SOX6: variants seen among roughly 807,000 people sequenced by gnomAD.
SOX6 encodes transcription factor SOX-6.
SOX6 carries 11 observed loss-of-function variants against 97.8 expected under a neutral mutation model. The ratio of observed to expected loss-of-function variants is 0.11; its 90% CI spans 0.07 to 0.19. The LOEUF is 0.19. SOX6 is among the 10% of genes least tolerant of loss of function. The pLI, the probability that SOX6 is intolerant of heterozygous loss-of-function variation, is 1.00. For missense variants in SOX6, 810 were observed against 1,039.5 expected (o/e 0.78, Z 3.04); for synonymous variants, 360 against 371.4 (o/e 0.97, Z 0.35).
intron 3 of SOX6, among the ~76,000 whole-genome samples, chr11:16,259,669 G>C (rs1853814561): frequency 6.6e-6 from 1 of 152,046 alleles, no homozygotes; most frequent in Non-Finnish European, 1.5e-5. Flanking sequence ...CAAGAAAAGT[G>C]TATACTTTAT....
intron 9 of SOX6, among the ~76,000 whole-genome samples, chr11:16,065,635 G>C (rs1848075904): frequency 6.6e-6 from 1 of 152,016 alleles, no homozygotes; most frequent in African/African-American, 2.4e-5. Flanking sequence ...TTTTAACAAA[G>C]CTGCCAAGAA....
chr11:16,104,286 C>T (rs935791804), intron 7 of SOX6, among the ~76,000 whole-genome samples: 1 of 151,918 alleles, frequency 6.6e-6, no homozygotes, highest in Non-Finnish European at 1.5e-5. Flanking sequence ...CTGGAAGAGA[C>T]AGAAATGAGT....
chr11:16,371,729 T>C (rs1857499128), intron 1 of SOX6, among the ~76,000 whole-genome samples: 1 of 152,170 alleles, frequency 6.6e-6, no homozygotes, highest in African/African-American at 2.4e-5. Flanking sequence ...AGTGTAAAAT[T>C]GTATTACAAA....
chr11:16,644,733 C>CT (rs1447771452), intron 3 of SOX6, among the ~76,000 whole-genome samples: 4 of 152,138 alleles, frequency 2.6e-5, no homozygotes, highest in African/African-American at 9.7e-5. Flanking sequence ...TATATATTCT[C>CT]TGTTTGTTGG....
In SOX6 at chr11:16,505,560, T is replaced by A. The variant is rs533511033; in HGVS notation, n.610-29172A>T. On this transcript the variant is annotated intron_variant and non_coding_transcript_variant, in intron 4 of 5. Coordinates refer to the SOX6 transcript ENST00000524520. ...AAAAAAAACATTTCCTGGGGAGGAA[T>A]TCAAGCCAGCTGCAGGAATTTGCAT... is the stretch of plus-strand genomic sequence containing the variant. 8.5e-5 allele frequency among the ~76,000 whole-genome samples: 13 copies of A among 152,242 alleles called. No homozygotes were observed. The East Asian group carries it at 2.5e-3, about 29-fold the overall frequency.
intron 6 of SOX6, among the ~76,000 whole-genome samples, chr11:16,167,099 A>G (rs894649495): frequency 2.6e-5 from 4 of 152,166 alleles, no homozygotes; most frequent in African/African-American, 9.6e-5. Context: ...GATCTCTAAT[A>G]AGTATTTCAA....
chr11:16,726,979 T>C lies in SOX6; in HGVS notation n.353+9360A>G, dbSNP rs139043284. Among the ~76,000 whole-genome samples, 261 of 152,378 alleles carry C rather than the reference T, an allele frequency of 1.7e-3. 2 individuals carry two copies. The highest frequency in any genetic ancestry group is 6.1e-3 in the African/African-American group (252 of 41,598). ...TTTTATTTTTGTGTGAGTCTGCTTATATTTGTGACCCTGACTTTTTTAAAA... is the reference window on the plus strand; with the variant it reads ...TTTTATTTTTGTGTGAGTCTGCTTACATTTGTGACCCTGACTTTTTTAAAA... On this transcript the variant is annotated intron_variant and non_coding_transcript_variant, in intron 2 of 5. Transcript: ENST00000524520.
intron 1 of SOX6, among the ~76,000 whole-genome samples, chr11:16,439,728 T>C (rs953927600): frequency 2.0e-5 from 3 of 152,184 alleles, no homozygotes; most frequent in African/African-American, 7.2e-5. Flanking sequence ...GTGTAAGAAA[T>C]TGAATTTTTA....
chr11:16,497,271 G>GA (rs1860616402), intron 4 of SOX6, among the ~76,000 whole-genome samples: 1 of 152,120 alleles, frequency 6.6e-6, no homozygotes, highest in Non-Finnish European at 1.5e-5. Flanking sequence ...CTGTTAGAAG[G>GA]AAAACTAACA....
At chr11:16,731,469 G>A (rs574984249) in intron 2 of SOX6, among the ~76,000 whole-genome samples, 1,743 of 152,148 alleles carry the variant, frequency 0.011, 25 homozygotes, top group African/African-American at 0.04. Flanking sequence ...GTAATCCATC[G>A]CATACACAGA....
chr11:16,420,732 T>C (rs1409777839), intron 1 of SOX6, among the ~76,000 whole-genome samples: 1 of 152,190 alleles, frequency 6.6e-6, no homozygotes, highest in African/African-American at 2.4e-5. Context: ...CTCTTTTGAA[T>C]ATGAGAAAAG....
intron 3 of SOX6, among the ~76,000 whole-genome samples, chr11:16,704,864 A>G (rs1454818180): frequency 1.3e-5 from 2 of 152,260 alleles, no homozygotes; most frequent in East Asian, 3.8e-4. Flanking sequence ...GAAAATTTAA[A>G]TAATTTTCCA....
At chr11:16,642,248 GGC>G (rs1279000414) in intron 3 of SOX6, among the ~76,000 whole-genome samples, 1 of 152,104 alleles carries the variant, frequency 6.6e-6, no homozygotes, top group East Asian at 1.9e-4. Context: ...ACTCTCTTCT[GGC>G]TTGTAGAGCT....
At chr11:16,086,644 C>T (rs191218453) in intron 9 of SOX6, among the ~76,000 whole-genome samples, 1 of 152,218 alleles carries the variant, frequency 6.6e-6, no homozygotes, top group East Asian at 1.9e-4. Flanking sequence ...GGAGACTCAT[C>T]AAAACTTTGA....
At chr11:16,235,989 C>T (rs1853009008) in intron 3 of SOX6, among the ~76,000 whole-genome samples, 1 of 152,080 alleles carries the variant, frequency 6.6e-6, no homozygotes, top group African/African-American at 2.4e-5. Context: ...GAACAACCAT[C>T]CGAACTGGCT....
intron 6 of SOX6, among the ~76,000 whole-genome samples, chr11:16,151,413 T>C (rs1453260883): frequency 2.0e-5 from 3 of 152,188 alleles, no homozygotes; most frequent in Admixed American, 6.6e-5. Context: ...ACTATTAAAA[T>C]TCATCACCTA....
intron 4 of SOX6, among the ~76,000 whole-genome samples, chr11:16,234,152 C>T (rs886829239): frequency 1.3e-5 from 2 of 152,016 alleles, no homozygotes; most frequent in East Asian, 3.9e-4. Context: ...CCATTATGTA[C>T]AGCACATTCT....
intron 4 of SOX6, among the ~76,000 whole-genome samples, chr11:16,200,228 T>C (rs901723998): frequency 1.3e-5 from 2 of 152,128 alleles, no homozygotes; most frequent in Non-Finnish European, 2.9e-5. Context: ...AGATATCAGG[T>C]TTCTCAGTTC....
At chr11:16,589,768 T>C (rs1167295290) in intron 4 of SOX6, among the ~76,000 whole-genome samples, 7 of 152,082 alleles carry the variant, frequency 4.6e-5, no homozygotes. Flanking sequence ...TATGAACCCT[T>C]TACAATCAGC....
Sources: allele counts gnomAD v4.1 joint callset (sites outside exome capture counted in the v4.1 genomes callset), GRCh38; gene constraint gnomAD v4.1.1; transcripts MANE v1.5; gene names NCBI Gene and HGNC (gene_info 2026-07-23, HGNC 2026-07-21).